TMEM135: variants seen among roughly 807,000 people sequenced by gnomAD.
The protein encoded by TMEM135 is peroxisomal membrane protein 52.
In TMEM135, 30 loss-of-function variants were observed where a neutral mutation model predicts 60.3. That is an observed-to-expected ratio of 0.50 (90% confidence interval 0.37 to 0.68). TMEM135 has a LOEUF of 0.68. TMEM135 is among the 30% of genes least tolerant of loss of function. The pLI is 0.00. For missense variants in TMEM135, 468 were observed against 548.8 expected (o/e 0.85, Z 1.47); for synonymous variants, 190 against 186.7 (o/e 1.02, Z -0.14).
intron 4 of TMEM135, among the ~76,000 whole-genome samples, chr11:87,122,032 A>T (rs967410500): frequency 2.0e-5 from 3 of 152,152 alleles, no homozygotes; most frequent in African/African-American, 7.2e-5. Flanking sequence ...AAACATTTTA[A>T]TTGCTTAGAC....
chr11:87,268,526 G>C (rs908853331), intron 6 of TMEM135, among the ~76,000 whole-genome samples: 1 of 152,058 alleles, frequency 6.6e-6, no homozygotes, highest in South Asian at 2.1e-4. Flanking sequence ...TCTAACAAAT[G>C]ATTTAAGAAT....
At chr11:87,098,031 A>G (rs1857370523) in intron 4 of TMEM135, among the ~76,000 whole-genome samples, 1 of 152,128 alleles carries the variant, frequency 6.6e-6, no homozygotes, top group Non-Finnish European at 1.5e-5. Context: ...TGTGTTTTAT[A>G]CATTGCTGTA....
At chr11:87,210,399 A>G (rs892549572) in intron 5 of TMEM135, among the ~76,000 whole-genome samples, 1 of 152,198 alleles carries the variant, frequency 6.6e-6, no homozygotes, top group Non-Finnish European at 1.5e-5. Context: ...TAGGCACACA[A>G]ACTAGGAAAC....
rs61911676 is a variant in TMEM135 at position 87,325,505 on chromosome 11, T to C, written c.*4172T>C. The C allele has an allele frequency of 1.1e-5, 2 of 182,378 alleles. No homozygotes were observed. Among genetic ancestry groups the C allele is most frequent in the South Asian group, 1.7e-4 (2 of 11,672 alleles). 11.3% of individuals were successfully genotyped at this position (182,378 alleles called of 1,614,324 possible). On this transcript the variant is annotated 3_prime_UTR_variant, in exon 15 of 15. Coordinates refer to ENST00000305494, the MANE Select transcript of TMEM135 (RefSeq NM_022918.4). ...TTTATGTGGGCTCTCTCTCTCTCCC[T>C]CTCTCTCTCTCTCTGTCTGTCTCTC... is the stretch of plus-strand genomic sequence containing the variant.
Position 87,273,833 on chromosome 11 carries a change from T to C in TMEM135, c.510-21949T>C, listed in dbSNP as rs1333902091. On this transcript the variant is annotated intron_variant, in intron 6 of 14. Coordinates refer to ENST00000305494, the MANE Select transcript of TMEM135 (RefSeq NM_022918.4). ...AGAGGAGGAAATTGAGTAACAGGCA[T>C]ATTAAATAACATTCTCCTAGGCTAT... Among the ~76,000 whole-genome samples the C allele has an allele frequency of 2.0e-5, 3 of 152,308 alleles. No homozygotes were observed. In the East Asian group the frequency reaches 5.8e-4, roughly 29 times the overall value.
chr11:87,296,639 A>ATTT (rs1159152444), intron 7 of TMEM135, among the ~76,000 whole-genome samples: 1 of 152,202 alleles, frequency 6.6e-6, no homozygotes. Flanking sequence ...TCTCAAGGTT[A>ATTT]TTTTGAGGAT....
chr11:87,038,015 C>T lies in TMEM135; in HGVS notation c.-31C>T, dbSNP rs746010561. ...CCTCCCTGCAGGGCTCAGGCTCTCC[C>T]CCTCCTGTCTTCTCCGCGCTGTTCC... On this transcript the variant is annotated 5_prime_UTR_variant, in exon 1 of 15. Coordinates refer to ENST00000305494, the MANE Select transcript of TMEM135 (RefSeq NM_022918.4). 8.1e-6 allele frequency: 13 copies of T among 1,613,048 alleles called. No individual in the cohort carries two copies. The Admixed American group carries it at 1.5e-4, about 19-fold the overall frequency.
intron 5 of TMEM135, among the ~76,000 whole-genome samples, chr11:87,217,593 G>A (rs969633944): frequency 1.3e-5 from 2 of 151,990 alleles, no homozygotes; most frequent in African/African-American, 4.8e-5. Flanking sequence ...CAAGATCAGC[G>A]TTACCAACAT....
At chr11:87,200,703 G>A (rs1219843851) in intron 5 of TMEM135, among the ~76,000 whole-genome samples, 1 of 152,154 alleles carries the variant, frequency 6.6e-6, no homozygotes, top group African/African-American at 2.4e-5. Context: ...ATAATGACAT[G>A]TATCTACCAT....
intron 6 of TMEM135, among the ~76,000 whole-genome samples, chr11:87,261,667 C>T (rs1308313084): frequency 6.6e-6 from 1 of 151,894 alleles, no homozygotes; most frequent in East Asian, 1.9e-4. Flanking sequence ...TTTCATTTAC[C>T]CTGGAGTGCA....
At chr11:87,179,785 C>T (rs1035322732) in intron 5 of TMEM135, among the ~76,000 whole-genome samples, 1 of 152,288 alleles carries the variant, frequency 6.6e-6, no homozygotes, top group Admixed American at 6.5e-5. Context: ...TAATATGGAG[C>T]AAGACTCTGT....
At chr11:87,227,620 A>G (rs545297613) in intron 5 of TMEM135, among the ~76,000 whole-genome samples, 2 of 152,332 alleles carry the variant, frequency 1.3e-5, no homozygotes, top group African/African-American at 4.8e-5. Context: ...AAAATTTGTT[A>G]TATGACAATA....
chr11:87,153,462 C>T (rs970085086), intron 4 of TMEM135, among the ~76,000 whole-genome samples: 2 of 152,188 alleles, frequency 1.3e-5, no homozygotes, highest in Non-Finnish European at 2.9e-5. Context: ...GTATTACTGT[C>T]ATTATCGTTG....
In TMEM135 at chr11:87,323,229, A is replaced by ATAAATTGCAGTCATTTTTT. The variant is rs1346637497; in HGVS notation, c.*1903_*1921dup. The ATAAATTGCAGTCATTTTTT allele has an allele frequency of 6.6e-6, 3 of 453,510 alleles. No individual in the cohort carries two copies. The highest frequency in any genetic ancestry group is 1.3e-5 in the Non-Finnish European group (3 of 226,578). The allele number at this position is 453,510 out of a possible 1,614,324, so 28.1% of individuals were successfully genotyped here. A position where few individuals can be genotyped will look rare whatever the true frequency, so the allele number is the denominator to read the frequency against. On this transcript the variant is annotated 3_prime_UTR_variant, in exon 15 of 15. Coordinates refer to ENST00000305494, the MANE Select transcript of TMEM135 (RefSeq NM_022918.4). Reference sequence around the variant, plus strand: ...TTCTACAATTTACCTTTTCATTTTTATAAATTGCAGTCATTTTTTTAAATT... The same window carrying ATAAATTGCAGTCATTTTTT: ...TTCTACAATTTACCTTTTCATTTTTATAAATTGCAGTCATTTTTTTAAATTGCAGTCATTTTTTTAAATT...
intron 5 of TMEM135, among the ~76,000 whole-genome samples, chr11:87,190,149 C>G (rs899258912): frequency 2.0e-5 from 3 of 152,120 alleles, no homozygotes; most frequent in African/African-American, 7.2e-5. Context: ...TTCTACTTGT[C>G]AAATTCTTTC....
At chr11:87,277,914 T>C (rs1941997286) in intron 6 of TMEM135, among the ~76,000 whole-genome samples, 1 of 152,200 alleles carries the variant, frequency 6.6e-6, no homozygotes. Context: ...TACTCTGGAG[T>C]CAGTCACTTT....
At chr11:87,261,330 A>G (rs11235053) in intron 6 of TMEM135, among the ~76,000 whole-genome samples, 41 of 152,098 alleles carry the variant, frequency 2.7e-4, no homozygotes, top group East Asian at 1.5e-3. Flanking sequence ...TTTAACTACA[A>G]ATCTTCTATG....
At chr11:87,308,039 A>G (rs1942581124) in intron 9 of TMEM135, among the ~76,000 whole-genome samples, 1 of 152,188 alleles carries the variant, frequency 6.6e-6, no homozygotes, top group Admixed American at 6.5e-5. Flanking sequence ...TGCCCTGTTA[A>G]TGTCTATCCT....
At chr11:87,310,731 G>A (rs936715957) in intron 10 of TMEM135, among the ~76,000 whole-genome samples, 12 of 151,404 alleles carry the variant, frequency 7.9e-5, no homozygotes, top group East Asian at 3.9e-4. Flanking sequence ...GAGAAGGAGC[G>A]AACCTTGAGC....
Sources: allele counts gnomAD v4.1 joint callset (sites outside exome capture counted in the v4.1 genomes callset), GRCh38; gene constraint gnomAD v4.1.1; transcripts MANE v1.5; gene names NCBI Gene and HGNC (gene_info 2026-07-23, HGNC 2026-07-21).